LAMB4: variants seen among roughly 807,000 people sequenced by gnomAD.
The protein encoded by LAMB4 is laminin subunit beta-4.
A neutral mutation model predicts 199.2 loss-of-function variants in LAMB4; 196 were observed. The observed-to-expected ratio is 0.98, with a 90% CI of 0.88 to 1.11. The LOEUF (loss-of-function observed/expected upper bound fraction) is 1.11, where lower values mean the gene tolerates loss of function less well. LAMB4 is among the 50% of genes least tolerant of loss of function. The probability of loss-of-function intolerance (pLI) is 0.00; values close to 1 mark genes in which losing one functional copy is unlikely to be tolerated. For missense variants in LAMB4, 2,080 were observed against 2,171.2 expected, an observed-to-expected ratio of 0.96 and a Z score of 0.83; for synonymous variants, 744 against 770.6, an observed-to-expected ratio of 0.97 and a Z score of 0.57.
At chr7:108,046,951 GA>G (rs1398823513) in intron 28 of LAMB4, among the ~76,000 whole-genome samples, 1 of 151,422 alleles carries the variant, frequency 6.6e-6, no homozygotes, top group Non-Finnish European at 1.5e-5. Flanking sequence ...AAATAAAGTA[GA>G]GATACGGCCT....
rs183493480 is a variant in LAMB4, at chr7:108,107,638, C to A, written c.584G>T (p.Gly195Val). The change falls in exon 6 of 34, where the codon GGT becomes GTT. Residue 195 changes from glycine (G) to valine (V), a missense_variant. Coordinates refer to ENST00000388781, the MANE Select transcript of LAMB4 (RefSeq NM_007356.3). ...CAAGGAAGGAAATGCTACCTCTCCA[C>A]CTGTTGAGGGTTCAATATCCGAGTA... ...SKYSDIEPSTGGEVVLKVLDP... is the reference protein window; with the variant it reads ...SKYSDIEPSTVGEVVLKVLDP... The A allele has an allele frequency of 1.2e-6, 2 of 1,601,038 alleles. No individual in the cohort carries two copies. Among genetic ancestry groups the A allele is most frequent in the African/African-American group, 1.3e-5 (1 of 74,274 alleles).
rs2038391682 is a variant in LAMB4 at position 108,116,000 on chromosome 7, C to T, written c.192+4G>A. ...CCCAGCAAATAAACAAAGAGCCAAC[C>T]CACCTCCAGGTAACTGAGGATGCAG... On this transcript the variant is annotated splice_donor_region_variant and intron_variant, in intron 3 of 33. Transcript: ENST00000388781. The T allele has an allele frequency of 5.6e-6, 9 of 1,608,224 alleles. No homozygotes were observed. Among genetic ancestry groups the T allele is most frequent in the Non-Finnish European group, 6.8e-6 (8 of 1,176,288 alleles).
At chr7:108,084,784 C>CTTTTTTTT (rs745640979) in intron 14 of LAMB4, among the ~76,000 whole-genome samples, 4 of 96,526 alleles carry the variant, frequency 4.1e-5, no homozygotes, top group African/African-American at 4.1e-5. Flanking sequence ...CCAAGGAATC[C>CTTTTTTTT]TTTTTTTTTT....
chr7:108,124,210 C>T (rs972093491), intron 1 of LAMB4, among the ~76,000 whole-genome samples: 2 of 152,110 alleles, frequency 1.3e-5, no homozygotes, highest in Non-Finnish European at 2.9e-5. Flanking sequence ...GATGGAATCT[C>T]ATTGTGTTGT....
Position 108,106,575 on chromosome 7 carries a change from G to A in LAMB4, c.592-3C>T. 2 of 1,490,146 alleles carry A rather than the reference G, an allele frequency of 1.3e-6. No homozygotes were observed. Among genetic ancestry groups the A allele is most frequent in the Non-Finnish European group, 1.9e-6 (2 of 1,071,102 alleles). The allele number at this position is 1,490,146 out of a possible 1,614,324, so 92.3% of individuals were successfully genotyped here. On this transcript the variant is annotated splice_polypyrimidine_tract_variant and splice_region_variant and intron_variant, in intron 6 of 33. Coordinates refer to ENST00000388781, the MANE Select transcript of LAMB4 (RefSeq NM_007356.3). Reference sequence around the variant, plus strand: ...GGATCCAAAACTTTTAAAACAACCTGTAAAACAAATATAGATACATTTATA... The same window carrying A: ...GGATCCAAAACTTTTAAAACAACCTATAAAACAAATATAGATACATTTATA...
At chr7:108,114,936 A>G (rs568754715) in intron 3 of LAMB4, among the ~76,000 whole-genome samples, 2 of 152,338 alleles carry the variant, frequency 1.3e-5, no homozygotes, top group East Asian at 1.9e-4. Context: ...CTATGTTCAC[A>G]TTGGGAATTT....
chr7:108,121,453 A>G (rs1405779065), intron 2 of LAMB4, among the ~76,000 whole-genome samples: 1 of 152,166 alleles, frequency 6.6e-6, no homozygotes, highest in Non-Finnish European at 1.5e-5. Context: ...GGGTGAGAAA[A>G]AATACCAAGA....
intron 14 of LAMB4, among the ~76,000 whole-genome samples, chr7:108,080,651 C>A (rs938752860): frequency 6.6e-6 from 1 of 152,126 alleles, no homozygotes; most frequent in Non-Finnish European, 1.5e-5. Flanking sequence ...TATGTGCCAG[C>A]TCCTGAATTA....
At chr7:108,114,540 A>T (rs925723099) in intron 3 of LAMB4, among the ~76,000 whole-genome samples, 1 of 152,224 alleles carries the variant, frequency 6.6e-6, no homozygotes, top group Non-Finnish European at 1.5e-5. Context: ...TTCCTTGCAC[A>T]TGCAGAGAAT....
At chr7:108,058,400 T>C (rs1358463014) in intron 23 of LAMB4, among the ~76,000 whole-genome samples, 1 of 152,228 alleles carries the variant, frequency 6.6e-6, no homozygotes, top group East Asian at 1.9e-4. Flanking sequence ...TTTTTTGTAC[T>C]TCAGGCTTAA....
At chr7:108,071,482 C>T (rs937115837) in intron 17 of LAMB4, among the ~76,000 whole-genome samples, 1 of 152,218 alleles carries the variant, frequency 6.6e-6, no homozygotes, top group Non-Finnish European at 1.5e-5. Context: ...TGATATCTAA[C>T]GCCTATTAGT....
rs138467035 is a variant in LAMB4, at chr7:108,056,209, A to G, written c.3380-202T>C. The stretch of plus-strand genomic sequence containing the variant: ...GCTCTCTATATTCCACTAAGAAATC[A>G]GTTTACTATTTCAATTTGGCAAATA... On this transcript the variant is annotated intron_variant, in intron 24 of 33. Transcript: ENST00000388781. 3.7e-4 allele frequency among the ~76,000 whole-genome samples: 56 copies of G among 152,340 alleles called. 1 individual carries two copies. The East Asian group carries it at 0.01, about 27-fold the overall frequency.
rs759096832 is a variant in LAMB4 at position 108,107,647 on chromosome 7, G to C, written c.575C>G (p.Pro192Arg). 6.9e-5 allele frequency: 111 copies of C among 1,607,228 alleles called. No homozygotes were observed. In the Middle Eastern group the frequency reaches 8.1e-3, roughly 117 times the overall value. The change falls in exon 6 of 34, where the codon CCC (proline) becomes CGC (arginine). Residue 192 changes from proline to arginine, a missense_variant. Pro to Arg is a moderately radical substitution (Grantham distance 103). Coordinates refer to ENST00000388781, the MANE Select transcript of LAMB4 (RefSeq NM_007356.3). ...AAATGCTACCTCTCCACCTGTTGAG[G>C]GTTCAATATCCGAGTATTTGGAGTC... ...VCDSKYSDIE[P>R]STGGEVVLKV...
chr7:108,116,728 A>C (rs2038420898), intron 2 of LAMB4, among the ~76,000 whole-genome samples: 1 of 152,198 alleles, frequency 6.6e-6, no homozygotes, highest in African/African-American at 2.4e-5. Flanking sequence ...AGTGTCTTCC[A>C]GTCTTAAAAA....
intron 30 of LAMB4, among the ~76,000 whole-genome samples, chr7:108,035,170 G>A (rs924440860): frequency 6.6e-6 from 1 of 151,966 alleles, no homozygotes; most frequent in Non-Finnish European, 1.5e-5. Flanking sequence ...AACATTCCCA[G>A]GGTACCAGTG....
At chr7:108,109,861 C>CTAGA (rs977276191) in intron 4 of LAMB4, among the ~76,000 whole-genome samples, 1 of 151,982 alleles carries the variant, frequency 6.6e-6, no homozygotes, top group African/African-American at 2.4e-5. Flanking sequence ...AAAAGAAGCC[C>CTAGA]AGATCTCTCT....
chr7:108,043,768 C>A lies in LAMB4; in HGVS notation c.4455G>T (p.Val1485=), dbSNP rs774035506. The change falls in exon 29 of 34, where the codon GTG becomes GTT. Residue 1485 remains valine, a synonymous_variant. Coordinates refer to ENST00000388781, the MANE Select transcript of LAMB4 (RefSeq NM_007356.3). ...TTAAATTACCTAACAAAAAGTTTTTCACTTTTTTGATGAAAAGATTGATGT... is the reference window on the plus strand; with the variant it reads ...TTAAATTACCTAACAAAAAGTTTTTAACTTTTTTGATGAAAAGATTGATGT... ...EENINLFIKK[V]KNFLLEENVP... is the part of the protein sequence containing the mutation. 2 of 1,578,804 alleles carry A rather than the reference C, an allele frequency of 1.3e-6. No individual in the cohort carries two copies. The highest frequency in any genetic ancestry group is 1.7e-6 in the Non-Finnish European group (2 of 1,161,580).
chr7:108,039,926 A>G (rs2035362930), intron 29 of LAMB4, among the ~76,000 whole-genome samples: 2 of 152,242 alleles, frequency 1.3e-5, no homozygotes, highest in South Asian at 4.1e-4. Context: ...GCAATCAGGC[A>G]AAAGAAAGAA....
Position 108,023,980 on chromosome 7 carries a change from A to AG in LAMB4, c.*58dup, listed in dbSNP as rs1030880339. On this transcript the variant is annotated 3_prime_UTR_variant, in exon 34 of 34. Coordinates refer to ENST00000388781, the MANE Select transcript of LAMB4 (RefSeq NM_007356.3). ...TATTTCACAGGTTCAACAGAGCCCC[A>AG]GGGGCTTGTACATCAGAAACCAGAA... 2 of 1,468,122 alleles carry AG rather than the reference A, an allele frequency of 1.4e-6. No individual in the cohort carries two copies. The highest frequency in any genetic ancestry group is 4.4e-5 in the Admixed American group (2 of 45,528). 90.9% of individuals were successfully genotyped at this position (1,468,122 alleles called of 1,614,324 possible).
Sources: allele counts gnomAD v4.1 joint callset (sites outside exome capture counted in the v4.1 genomes callset), GRCh38; gene constraint gnomAD v4.1.1; transcripts MANE v1.5; gene names NCBI Gene and HGNC (gene_info 2026-07-23, HGNC 2026-07-21).